Variants in AOPEP observed in about 807,000 individuals in gnomAD.
The protein encoded by AOPEP is aminopeptidase O.
Under a neutral mutation model 98.1 loss-of-function variants are expected in AOPEP, and 77 were observed. That is an observed-to-expected ratio of 0.78 (90% CI 0.65 to 0.95). The LOEUF is 0.95. Ranked by LOEUF, AOPEP falls within the 40% of genes least tolerant of loss-of-function variation. The probability of loss-of-function intolerance (pLI) is 0.00; values close to 1 mark genes in which losing one functional copy is unlikely to be tolerated. For missense variants in AOPEP, 1,024 were observed against 1,024.7 expected (o/e 1.00, Z 0.01); for synonymous variants, 346 against 365.3 (o/e 0.95, Z 0.60).
At chr9:95,132,556 C>T in the AOPEP span, among the ~76,000 whole-genome samples, 1 of 152,176 alleles carries the variant, frequency 6.6e-6, no homozygotes, top group South Asian at 2.1e-4. Context: ...AGGGCTAATA[C>T]CTCACTTGAT....
Position 95,069,289 on chromosome 9 carries a change from G to A in AOPEP, c.2232+8479G>A, listed in dbSNP as rs563472322. On this transcript the variant is annotated intron_variant, in intron 14 of 16. Coordinates refer to ENST00000375315, the MANE Select transcript of AOPEP (RefSeq NM_001193329.3). Reference sequence around the variant, plus strand: ...TGAATTCACCTCCAGGGAAAGTGAGGGAAGGGGACGAGTGTCTGCAGGGCT... The same window carrying A: ...TGAATTCACCTCCAGGGAAAGTGAGAGAAGGGGACGAGTGTCTGCAGGGCT... Among the ~76,000 whole-genome samples the A allele has an allele frequency of 2.6e-4, 40 of 152,320 alleles. No homozygotes were observed. In the South Asian group the frequency reaches 7.9e-3, roughly 30 times the overall value.
At chr9:95,042,446 A>G (rs2065419387) in intron 13 of AOPEP, among the ~76,000 whole-genome samples, 1 of 152,222 alleles carries the variant, frequency 6.6e-6, no homozygotes. Context: ...GGAACTTGGA[A>G]CTCAGATGTA....
intron 5 of AOPEP, among the ~76,000 whole-genome samples, chr9:94,816,518 T>C (rs566003501): frequency 6.6e-6 from 1 of 152,186 alleles, no homozygotes; most frequent in Non-Finnish European, 1.5e-5. Flanking sequence ...ATTGGCCACC[T>C]CCCTAAGTGA....
At chr9:95,068,578 A>C (rs1428951543) in intron 14 of AOPEP, among the ~76,000 whole-genome samples, 1 of 152,230 alleles carries the variant, frequency 6.6e-6, no homozygotes, top group African/African-American at 2.4e-5. Flanking sequence ...CTTCTCAAAT[A>C]CAGTTTGCAA....
intron 10 of AOPEP, among the ~76,000 whole-genome samples, chr9:94,968,808 G>C (rs1048055442): frequency 6.6e-6 from 1 of 152,090 alleles, no homozygotes; most frequent in African/African-American, 2.4e-5. Context: ...ATAATCCTCT[G>C]TGTATCAGGC....
chr9:94,847,598 C>T (rs964525701), intron 5 of AOPEP, among the ~76,000 whole-genome samples: 1 of 152,176 alleles, frequency 6.6e-6, no homozygotes, highest in African/African-American at 2.4e-5. Context: ...TGAAGCAGAA[C>T]TATGTTAGCT....
At chr9:94,965,928 G>C (rs1321933990) in intron 9 of AOPEP, among the ~76,000 whole-genome samples, 1 of 151,310 alleles carries the variant, frequency 6.6e-6, no homozygotes, top group Admixed American at 6.6e-5. Flanking sequence ...AGTTAACTGG[G>C]TGTCATCAGA....
intron 5 of AOPEP, among the ~76,000 whole-genome samples, chr9:94,905,987 T>G (rs2051085492): frequency 6.6e-6 from 1 of 151,866 alleles, no homozygotes; most frequent in Non-Finnish European, 1.5e-5. Context: ...ACTGTGAAAA[T>G]TTGTGGGAAT....
At chr9:95,039,599 A>AG (rs2065118245) in intron 13 of AOPEP, among the ~76,000 whole-genome samples, 1 of 152,200 alleles carries the variant, frequency 6.6e-6, no homozygotes, top group Admixed American at 6.5e-5. Flanking sequence ...ACTGGACCAT[A>AG]GTTTTAAGGA....
chr9:95,095,957 G>A, the AOPEP span, among the ~76,000 whole-genome samples: 1 of 152,180 alleles, frequency 6.6e-6, no homozygotes, highest in Non-Finnish European at 1.5e-5. Context: ...CTGCATTTTG[G>A]GAGGAGGGAA....
chr9:94,809,682 A>G (rs942152894), intron 5 of AOPEP, among the ~76,000 whole-genome samples: 3 of 152,244 alleles, frequency 2.0e-5, no homozygotes, highest in African/African-American at 7.2e-5. Context: ...TTTTTGAGCA[A>G]TTACCCAATT....
intron 5 of AOPEP, among the ~76,000 whole-genome samples, chr9:94,918,464 A>G (rs1190989530): frequency 6.6e-6 from 1 of 152,164 alleles, no homozygotes; most frequent in Non-Finnish European, 1.5e-5. Context: ...CATGAAGCCC[A>G]TGGGCTTGAG....
chr9:95,104,048 G>A, the AOPEP span, among the ~76,000 whole-genome samples: 8 of 152,120 alleles, frequency 5.3e-5, no homozygotes, highest in Admixed American at 2.6e-4. Flanking sequence ...GGGAAAGGCC[G>A]TCCCACCAAA....
At chr9:95,108,176 AGTCTGTCATAAACTCCAGT>A in the AOPEP span, among the ~76,000 whole-genome samples, 1 of 152,240 alleles carries the variant, frequency 6.6e-6, no homozygotes, top group African/African-American at 2.4e-5. Context: ...CATTCAATGA[AGTCTGTCATAAACTCCAGT>A]ACACTGGGTG....
Position 94,848,024 on chromosome 9 carries a change from A to C in AOPEP, c.1364+47022A>C, listed in dbSNP as rs376675835. 3.9e-5 allele frequency among the ~76,000 whole-genome samples: 6 copies of C among 152,312 alleles called. No individual in the cohort carries two copies. The East Asian group carries it at 1.2e-3, about 29-fold the overall frequency. On this transcript the variant is annotated intron_variant, in intron 5 of 16. Transcript: ENST00000375315. ...CCACACTATTTCACAAAATTTCTAC[A>C]ATCTAAAGTGGGGATTACTTGGCTA...
At chr9:94,728,827 CGTGA>C (rs1343978556) in intron 1 of AOPEP, among the ~76,000 whole-genome samples, 1 of 152,084 alleles carries the variant, frequency 6.6e-6, no homozygotes, top group Non-Finnish European at 1.5e-5. Context: ...TGGGCACAGA[CGTGA>C]GTGAGTGTGT....
At chr9:94,825,760 G>T (rs922931179) in intron 5 of AOPEP, among the ~76,000 whole-genome samples, 1 of 152,176 alleles carries the variant, frequency 6.6e-6, no homozygotes, top group Non-Finnish European at 1.5e-5. Flanking sequence ...GGCGCCCATC[G>T]GCATGGTTAA....
At chr9:95,125,811 G>A in the AOPEP span, among the ~76,000 whole-genome samples, 7 of 152,142 alleles carry the variant, frequency 4.6e-5, no homozygotes, top group Non-Finnish European at 8.8e-5. Context: ...AGGTGGGAGG[G>A]GCTAGAGAGA....
At chr9:95,012,991 G>GA (rs1044752747) in intron 13 of AOPEP, among the ~76,000 whole-genome samples, 1 of 139,614 alleles carries the variant, frequency 7.2e-6, no homozygotes, top group Non-Finnish European at 1.6e-5. Context: ...TTTTTTTGGG[G>GA]GGGGGGGCAG....
Sources: allele counts gnomAD v4.1 joint callset (sites outside exome capture counted in the v4.1 genomes callset), GRCh38; gene constraint gnomAD v4.1.1; transcripts MANE v1.5; gene names NCBI Gene and HGNC (gene_info 2026-07-23, HGNC 2026-07-21).